ARID4B: variants seen among roughly 807,000 people sequenced by gnomAD.
The protein encoded by ARID4B is AT-rich interaction domain 4B.
A neutral mutation model predicts 147.5 loss-of-function variants in ARID4B; 26 were observed. The ratio of observed to expected loss-of-function variants is 0.18; its 90% CI spans 0.13 to 0.24. The LOEUF (loss-of-function observed/expected upper bound fraction) is 0.24, where lower values mean the gene tolerates loss of function less well. Among genes scored for constraint, ARID4B ranks in the 10% least tolerant of loss-of-function variants. The pLI, the probability that ARID4B is intolerant of heterozygous loss-of-function variation, is 1.00. For synonymous variants in ARID4B, 512 were observed against 507.9 expected (o/e 1.01, Z -0.11); for missense variants, 1,179 against 1,511.5 (o/e 0.78, Z 3.65).
chr1:235,220,790 T>A (rs911448611), intron 14 of ARID4B, among the ~76,000 whole-genome samples: 34 of 152,300 alleles, frequency 2.2e-4, no homozygotes, highest in African/African-American at 6.7e-4. Flanking sequence ...AGTAATAGCA[T>A]CTATTTTTTG....
At chr1:235,313,006 C>A (rs1674174168) in intron 2 of ARID4B, among the ~76,000 whole-genome samples, 1 of 151,910 alleles carries the variant, frequency 6.6e-6, no homozygotes, top group Non-Finnish European at 1.5e-5. Context: ...GAAAAGGGTT[C>A]TTTGATGAGG....
Position 235,191,560 on chromosome 1 carries a change from G to A in ARID4B, c.2125+2453C>T, listed in dbSNP as rs189026104. 1.4e-4 allele frequency among the ~76,000 whole-genome samples: 22 copies of A among 152,100 alleles called. No homozygotes were observed. The East Asian group carries it at 2.5e-3, about 17-fold the overall frequency. Reference sequence around the variant, plus strand: ...AGTGAGCTACTATGCCCAGCCAAATGTGTCAGATATTCTAACTGTAGTGGA... The same window carrying A: ...AGTGAGCTACTATGCCCAGCCAAATATGTCAGATATTCTAACTGTAGTGGA... On this transcript the variant is annotated intron_variant, in intron 19 of 23. Transcript: ENST00000264183.
intron 8 of ARID4B, among the ~76,000 whole-genome samples, chr1:235,238,855 C>T (rs1361454096): frequency 2.0e-5 from 3 of 146,390 alleles, no homozygotes; most frequent in Admixed American, 2.0e-4. Flanking sequence ...CCTCTGTCTC[C>T]GGGGAAAAAA....
In ARID4B at chr1:235,260,705, A is replaced by G; in HGVS notation, c.54T>C (p.Ala18=). Reference sequence around the variant, plus strand: ...CTTCACAAAAGGCTCCTCTGTATTTAGCACTCACATCAGTGCCCACTGTCA... The same window carrying G: ...CTTCACAAAAGGCTCCTCTGTATTTGGCACTCACATCAGTGCCCACTGTCA... ...PYLTVGTDVS[A]KYRGAFCEAK... is the part of the protein sequence containing the mutation. The change falls in exon 3 of 24, where the codon GCT becomes GCC. Residue 18 remains alanine, a synonymous_variant. Transcript: ENST00000264183. 1 of 1,612,326 alleles carries G rather than the reference A, an allele frequency of 6.2e-7. No individual in the cohort carries two copies. The highest frequency in any genetic ancestry group is 8.5e-7 in the Non-Finnish European group (1 of 1,179,598).
At chr1:235,268,957 G>T (rs1303920796) in intron 2 of ARID4B, among the ~76,000 whole-genome samples, 1 of 152,052 alleles carries the variant, frequency 6.6e-6, no homozygotes, top group East Asian at 1.9e-4. Context: ...ATCTTGAAGG[G>T]GTTTTCCTCT....
chr1:235,254,118 T>C (rs558170174), intron 5 of ARID4B, among the ~76,000 whole-genome samples: 165 of 152,298 alleles, frequency 1.1e-3, no homozygotes, highest in African/African-American at 3.7e-3. Context: ...ACTTCCTACA[T>C]AGAATTGCTC....
At chr1:235,275,967 T>C (rs1671288952) in intron 2 of ARID4B, among the ~76,000 whole-genome samples, 1 of 151,936 alleles carries the variant, frequency 6.6e-6, no homozygotes, top group Non-Finnish European at 1.5e-5. Flanking sequence ...CAAAACCTCA[T>C]CTCTACAAAA....
intron 13 of ARID4B, among the ~76,000 whole-genome samples, chr1:235,222,653 T>A (rs1261951026): frequency 6.7e-5 from 10 of 148,936 alleles, no homozygotes; most frequent in African/African-American, 2.5e-4. Context: ...TTAACAGTAA[T>A]CAGAAAGCTG....
intron 7 of ARID4B, among the ~76,000 whole-genome samples, chr1:235,241,739 G>A (rs374860565): frequency 4.0e-5 from 6 of 151,884 alleles, no homozygotes; most frequent in Non-Finnish European, 5.9e-5. Context: ...GGATAGTCTC[G>A]ATCTCCTGAC....
In ARID4B at chr1:235,172,682, T is replaced by G; in HGVS notation, c.3747A>C (p.Ser1249=). 1 of 1,608,012 alleles carries G rather than the reference T, an allele frequency of 6.2e-7. No homozygotes were observed. The highest frequency in any genetic ancestry group is 8.5e-7 in the Non-Finnish European group (1 of 1,177,278). ...CAATGGAAGCTACTTCAGATTTTAA[T>G]GACAGATAATGTTTTCTGATTTCTT... ...KLQEIRKHYL[S]LKSEVASIDR... The change falls in exon 23 of 24, where the codon TCA becomes TCC. Residue 1249 remains serine (S), a synonymous_variant. Coordinates refer to ENST00000264183, the MANE Select transcript of ARID4B (RefSeq NM_016374.6).
At chr1:235,274,707 A>G (rs1002609401) in intron 2 of ARID4B, among the ~76,000 whole-genome samples, 68 of 152,214 alleles carry the variant, frequency 4.5e-4, no homozygotes, top group Non-Finnish European at 9.7e-4. Context: ...CATAGAGGTA[A>G]AAGGATATAG....
intron 2 of ARID4B, among the ~76,000 whole-genome samples, chr1:235,326,085 T>C (rs1048258563): frequency 2.0e-5 from 3 of 152,120 alleles, no homozygotes; most frequent in African/African-American, 7.2e-5. Context: ...TACAAGCTAG[T>C]GTCTAAGTTC....
chr1:235,277,360 T>C (rs1286957791), intron 2 of ARID4B, among the ~76,000 whole-genome samples: 1 of 151,770 alleles, frequency 6.6e-6, no homozygotes, highest in African/African-American at 2.4e-5. Context: ...ACCAACATAG[T>C]GAAACCCGGT....
At chr1:235,323,845 A>G (rs1045839473) in intron 2 of ARID4B, among the ~76,000 whole-genome samples, 5 of 152,026 alleles carry the variant, frequency 3.3e-5, no homozygotes, top group African/African-American at 1.2e-4. Flanking sequence ...TTATTTACAA[A>G]CTTTAATAAT....
chr1:235,192,797 A>G (rs1011970369), intron 19 of ARID4B, among the ~76,000 whole-genome samples: 3 of 152,186 alleles, frequency 2.0e-5, no homozygotes, highest in African/African-American at 7.2e-5. Context: ...ACTAAGCAAT[A>G]ATCCCATCAT....
intron 17 of ARID4B, among the ~76,000 whole-genome samples, chr1:235,202,023 T>C (rs1354917204): frequency 6.6e-6 from 1 of 150,454 alleles, no homozygotes; most frequent in Non-Finnish European, 1.5e-5. Flanking sequence ...TATATACATA[T>C]ATATACACAA....
At chr1:235,294,311 A>ATTTTTTTTTT (rs5781824) in intron 2 of ARID4B, among the ~76,000 whole-genome samples, 1 of 114,106 alleles carries the variant, frequency 8.8e-6, no homozygotes, top group African/African-American at 3.2e-5. Flanking sequence ...AACCAGCAGC[A>ATTTTTTTTTT]TTTTTTTTTT....
At chr1:235,206,400 A>C (rs532828528) in intron 17 of ARID4B, among the ~76,000 whole-genome samples, 1 of 152,290 alleles carries the variant, frequency 6.6e-6, no homozygotes, top group Non-Finnish European at 1.5e-5. Context: ...TTGGCTCGGA[A>C]AAATAATTTA....
At chr1:235,323,248 C>T (rs1244087648) in intron 2 of ARID4B, among the ~76,000 whole-genome samples, 1 of 151,652 alleles carries the variant, frequency 6.6e-6, no homozygotes, top group Non-Finnish European at 1.5e-5. Context: ...ATCACTTTGG[C>T]CAGGCTGGTC....
Sources: gnomAD v4.1 joint callset for allele counts (sites outside exome capture counted in the v4.1 genomes callset) on GRCh38, gnomAD v4.1.1 for gene constraint, MANE v1.5 for transcripts, NCBI Gene and HGNC (gene_info 2026-07-23, HGNC 2026-07-21) for gene names.